Variants in ERAP2 observed in about 807,000 individuals in gnomAD.
The protein encoded by ERAP2 is endoplasmic reticulum aminopeptidase 2.
ERAP2 carries 118 observed loss-of-function variants against 111.1 expected under a neutral mutation model. The observed-to-expected ratio is 1.06, with a 90% CI of 0.92 to 1.24. The LOEUF is 1.24. Ranked by LOEUF, ERAP2 falls within the 50% of genes most tolerant of loss-of-function variation. The pLI is 0.00. For missense variants in ERAP2, 1,131 were observed against 1,125.8 expected, an observed-to-expected ratio of 1.00 and a Z score of -0.07; for synonymous variants, 410 against 401.2, an observed-to-expected ratio of 1.02 and a Z score of -0.26.
At chr5:96,912,577 A>G in intron 15 of ERAP2, 60 bp from the exon 16 acceptor site, 2 of 1,383,556 alleles carry the variant, frequency 1.4e-6, no homozygotes, top group Admixed American at 2.2e-5. Flanking sequence ...TAAAATTGTC[A>G]TAAGAAAAAA....
Position 96,889,521 on chromosome 5 carries a change from C to T in ERAP2, c.970+216C>T, listed in dbSNP as rs986975292. ...GTGGATCATTTCTCTATTCTTTTAT[C>T]AGGTTTAACGTTAACATATCTGCAT... is the stretch of plus-strand genomic sequence containing the variant. On this transcript the variant is annotated intron_variant, in intron 5 of 18. Transcript: ENST00000437043. 1.1e-5 allele frequency: 8 copies of T among 703,128 alleles called. No individual in the cohort carries two copies. In the African/African-American group the frequency reaches 1.2e-4, roughly 11 times the overall value. The allele number at this position is 703,128 out of a possible 1,614,324, so 43.6% of individuals were successfully genotyped here.
chr5:96,914,148 TCA>T (rs1554061288), intron 17 of ERAP2, among the ~76,000 whole-genome samples: 2 of 147,972 alleles, frequency 1.4e-5, no homozygotes, highest in Non-Finnish European at 3.0e-5. Context: ...TCTCTCTCTC[TCA>T]CACACACACA....
At chr5:96,891,142 C>G (rs868539043) in intron 5 of ERAP2, among the ~76,000 whole-genome samples, 26 of 151,930 alleles carry the variant, frequency 1.7e-4, no homozygotes, top group African/African-American at 5.8e-4. Context: ...TAGAATTAAC[C>G]AGTATTAACT....
chr5:96,886,525 C>T (rs565404029), intron 3 of ERAP2, 130 bp from the exon 4 acceptor site: 22 of 607,086 alleles, frequency 3.6e-5, no homozygotes, highest in Middle Eastern at 5.0e-4. Flanking sequence ...GAGGCCATTG[C>T]CCCCCTAGGA....
At position 96,917,576 on chromosome 5, in the gene ERAP2, CTG is replaced by C; in HGVS notation, c.2855_2856del (p.Leu952GlnfsTer7). 5.0e-6 allele frequency: 8 copies of C among 1,613,616 alleles called. No individual in the cohort carries two copies. The highest frequency in any genetic ancestry group is 6.8e-6 in the Non-Finnish European group (8 of 1,179,768). On this transcript the variant is annotated frameshift_variant, in exon 19 of 19. Transcript: ENST00000437043. LOFTEE classifies it high-confidence loss of function. ...ATGGCTGGAGAAGAATCTTCCGACT[CTG>C]AGGACTTGGCTAATGGTTAATACTT... The part of the protein sequence containing the change: ...IKWLEKNLPT[L>X]RTWLMVNT
At chr5:96,902,472 T>C (rs1785582381) in intron 12 of ERAP2, 119 bp downstream of exon 12, 1 of 645,324 alleles carries the variant, frequency 1.5e-6, no homozygotes, top group Admixed American at 2.7e-5. Context: ...TTGAGGGAAG[T>C]TGTCATTTAT....
intron 5 of ERAP2, among the ~76,000 whole-genome samples, chr5:96,890,814 A>T (rs1334405641): frequency 6.6e-6 from 1 of 152,012 alleles, no homozygotes; most frequent in Non-Finnish European, 1.5e-5. Flanking sequence ...GTACAGATAT[A>T]CTAAATCCCA....
At chr5:96,916,063 A>G (rs1253186712) in intron 18 of ERAP2, among the ~76,000 whole-genome samples, 2 of 152,044 alleles carry the variant, frequency 1.3e-5, no homozygotes, top group Non-Finnish European at 2.9e-5. Flanking sequence ...TCTAATAAAA[A>G]TACAAAAATT....
intron 9 of ERAP2, among the ~76,000 whole-genome samples, chr5:96,898,264 C>A (rs1785066634): frequency 6.6e-6 from 1 of 151,862 alleles, no homozygotes; most frequent in Non-Finnish European, 1.5e-5. Context: ...AAAGCACTTT[C>A]ATGTTGATTA....
intron 6 of ERAP2, among the ~76,000 whole-genome samples, chr5:96,894,637 C>A (rs938139563): frequency 6.6e-6 from 1 of 152,036 alleles, no homozygotes; most frequent in East Asian, 1.9e-4. Context: ...ATTTATGCAT[C>A]CTTTTTATTT....
Position 96,879,576 on chromosome 5 carries a change from T to C in ERAP2, c.-110T>C. On this transcript the variant is annotated 5_prime_UTR_variant, in exon 2 of 19. Coordinates refer to ENST00000437043, the MANE Select transcript of ERAP2 (RefSeq NM_022350.5). ...TTTTTTCTTCTAGATTAAATTCATG[T>C]ATTGAAAATATTGTTCAGACCCCAT... The C allele has an allele frequency of 6.9e-6, 5 of 728,348 alleles. No individual in the cohort carries two copies. The highest frequency in any genetic ancestry group is 3.5e-5 in the African/African-American group (2 of 56,498). The allele number at this position is 728,348 out of a possible 1,614,324, so 45.1% of individuals were successfully genotyped here. A position where few individuals can be genotyped will look rare whatever the true frequency, so the allele number is the denominator to read the frequency against.
chr5:96,900,056 T>A, intron 9 of ERAP2, 65 bp from the exon 10 acceptor site: 1 of 1,582,492 alleles, frequency 6.3e-7, no homozygotes, highest in Non-Finnish European at 8.7e-7. Flanking sequence ...CATCCATGGC[T>A]AATGTGCACG....
intron 9 of ERAP2, among the ~76,000 whole-genome samples, chr5:96,899,242 A>T (rs1005433181): frequency 6.6e-6 from 1 of 152,218 alleles, no homozygotes; most frequent in Non-Finnish European, 1.5e-5. Context: ...TTCTAAGTCC[A>T]ATAGTTATTC....
chr5:96,904,443 C>A (rs1177050895), intron 13 of ERAP2, among the ~76,000 whole-genome samples: 1 of 152,176 alleles, frequency 6.6e-6, no homozygotes, highest in East Asian at 1.9e-4. Flanking sequence ...CAGGACATCT[C>A]TGAGACAAAG....
intron 4 of ERAP2, 81 bp downstream of exon 4, chr5:96,886,870 T>C: frequency 8.1e-7 from 1 of 1,237,982 alleles, no homozygotes; most frequent in Non-Finnish European, 1.1e-6. Context: ...ATGTTTTTCA[T>C]TGTTATCAAA....
At position 96,901,694 on chromosome 5, in the gene ERAP2, C is replaced by A. The variant is rs748312478; in HGVS notation, c.1748+13C>A. 6.2e-7 allele frequency: 1 copy of A among 1,612,326 alleles called. No individual in the cohort carries two copies. The highest frequency in any genetic ancestry group is 1.7e-5 in the Admixed American group (1 of 59,770). ...CCCTGCAGGAGAGGTGGCTGCTTTTCTTCTTTAGGTCTAGCTTACCTCATC... is the reference window on the plus strand; with the variant it reads ...CCCTGCAGGAGAGGTGGCTGCTTTTATTCTTTAGGTCTAGCTTACCTCATC... On this transcript the variant is annotated intron_variant, in intron 11 of 18. Coordinates refer to ENST00000437043, the MANE Select transcript of ERAP2 (RefSeq NM_022350.5).
In ERAP2 at chr5:96,896,520, T is replaced by C; in HGVS notation, c.1371+16T>C. The C allele has an allele frequency of 1.9e-6, 3 of 1,604,698 alleles. No individual in the cohort carries two copies. The highest frequency in any genetic ancestry group is 1.4e-5 in the African/African-American group (1 of 72,518). On this transcript the variant is annotated intron_variant, in intron 8 of 18. Transcript: ENST00000437043. ...CTATAACAAGGTAGTAAATATCAGG[T>C]GCAGGTGGAAGCTCTGCTTTCAGAA...
intron 17 of ERAP2, 50 bp downstream of exon 17, chr5:96,913,507 GTTGCC>G (rs1787034478): frequency 1.3e-6 from 2 of 1,598,520 alleles, no homozygotes; most frequent in Non-Finnish European, 1.7e-6. Flanking sequence ...AGATGTCTCA[GTTGCC>G]TCAAACCAAG....
chr5:96,912,852 G>A (rs1786955068), intron 16 of ERAP2, 54 bp downstream of exon 16: 1 of 1,464,692 alleles, frequency 6.8e-7, no homozygotes. Context: ...CAAATTCAGT[G>A]AAGTCACTAA....
Sources: allele counts gnomAD v4.1 joint callset (sites outside exome capture counted in the v4.1 genomes callset), GRCh38; gene constraint gnomAD v4.1.1; transcripts MANE v1.5; gene names NCBI Gene and HGNC (gene_info 2026-07-23, HGNC 2026-07-21).